The following ATP11A variants were observed in gnomAD, a reference collection of about 807,000 sequenced individuals.
ATP11A encodes ATPase phospholipid transporting 11A.
ATP11A carries 81 observed loss-of-function variants against 154.4 expected under a neutral mutation model. That is an observed-to-expected ratio of 0.52 (90% CI 0.44 to 0.63). The LOEUF (loss-of-function observed/expected upper bound fraction) is 0.63, where lower values mean the gene tolerates loss of function less well. ATP11A is among the 30% of genes least tolerant of loss of function. The pLI is 0.00. For missense variants in ATP11A, 1,316 were observed against 1,474.3 expected (o/e 0.89, Z 1.76); for synonymous variants, 623 against 585.9 (o/e 1.06, Z -0.91).
intron 12 of ATP11A, among the ~76,000 whole-genome samples, chr13:112,828,231 G>A (rs1370470925): frequency 6.7e-6 from 1 of 149,758 alleles, no homozygotes; most frequent in Non-Finnish European, 1.5e-5. Context: ...TGAGTGCAGG[G>A]GAAAGCACCT....
In ATP11A at chr13:112,886,443, C is replaced by T. The variant is rs1024082787; in HGVS notation, c.*4577C>T. ...TATTTGACAACTCAGTGTCTAACAG[C>T]TTGATATGCAGGTCCTTGCATCCTA... On this transcript the variant is annotated 3_prime_UTR_variant, in exon 30 of 30. Coordinates refer to ENST00000375645, the MANE Select transcript of ATP11A (RefSeq NM_015205.3). 6.6e-6 allele frequency: 1 copy of T among 152,196 alleles called. No homozygotes were observed. Among genetic ancestry groups the T allele is most frequent in the African/African-American group, 2.4e-5 (1 of 41,414 alleles). The allele number at this position is 152,196 out of a possible 1,614,324, so 9.4% of individuals were successfully genotyped here.
At chr13:112,863,600 C>A (rs2080201260) in intron 25 of ATP11A, among the ~76,000 whole-genome samples, 1 of 150,760 alleles carries the variant, frequency 6.6e-6, no homozygotes, top group Non-Finnish European at 1.5e-5. Flanking sequence ...CATGCAGCTT[C>A]TCAGCGGGGT....
chr13:112,855,649 A>T (rs1050188797), intron 19 of ATP11A, among the ~76,000 whole-genome samples: 1 of 152,230 alleles, frequency 6.6e-6, no homozygotes, highest in Non-Finnish European at 1.5e-5. Context: ...CTGTTGTTTC[A>T]AAAGTACAGG....
At chr13:112,728,528 G>A (rs574379181) in intron 1 of ATP11A, among the ~76,000 whole-genome samples, 4 of 150,490 alleles carry the variant, frequency 2.7e-5, no homozygotes, top group African/African-American at 7.4e-5. Flanking sequence ...GCGTGGAGGG[G>A]GCCGTGAGAC....
In ATP11A at chr13:112,835,933, G is replaced by A. The variant is rs111278614; in HGVS notation, c.1632-245G>A. Among the ~76,000 whole-genome samples the A allele has an allele frequency of 8.9e-3, 1,352 of 152,338 alleles. 23 individuals carry two copies. The highest frequency in any genetic ancestry group is 0.03 in the African/African-American group (1,249 of 41,560). On this transcript the variant is annotated intron_variant, in intron 15 of 29. Transcript: ENST00000375645. ...CCTATGCCCTGGGTAGGATGGGGAC[G>A]TAGTGAGGAGCCGGTGCCACAGGGC...
In ATP11A at chr13:112,746,948, CG is replaced by C. The variant is rs1170429483; in HGVS notation, c.40-38184del. 6.6e-6 allele frequency: 1 copy of C among 151,010 alleles called. No homozygotes were observed. The highest frequency in any genetic ancestry group is 3.2e-3 in the Middle Eastern group (1 of 312). 9.4% of individuals were successfully genotyped at this position (151,010 alleles called of 1,614,324 possible). ...TGAGGTTCTTTGCCTATTTTAAAAT[CG>C]GGTAATTGATTTTTTTCTGTCATTG... is the stretch of plus-strand genomic sequence containing the variant. On this transcript the variant is annotated intron_variant, in intron 1 of 29. Transcript: ENST00000375645. The surrounding 1 kb of genome is among the most constrained non-coding windows in gnomAD (Gnocchi z 4.1).
intron 2 of ATP11A, among the ~76,000 whole-genome samples, chr13:112,796,080 A>G (rs1052424037): frequency 8.5e-5 from 13 of 152,260 alleles, no homozygotes; most frequent in African/African-American, 3.1e-4. Flanking sequence ...GAAAGTGCCT[A>G]TACTTTTATT....
At position 112,697,219 on chromosome 13, in the gene ATP11A, A is replaced by G. The variant is rs1013727319; in HGVS notation, c.39+6764A>G. On this transcript the variant is annotated intron_variant, in intron 1 of 29. Transcript: ENST00000375645. This position sits in a 1 kb window ranked among gnomAD's most constrained non-coding sequence, Gnocchi z 4.0. ...TCCGGTGCTGGCCTCTGCCTTCCCC[A>G]GGGCCACGGTGGGCTCCTAGTGGCC... 6.6e-6 allele frequency among the ~76,000 whole-genome samples: 1 copy of G among 152,110 alleles called. No homozygotes were observed. The highest frequency in any genetic ancestry group is 2.1e-4 in the South Asian group (1 of 4,832).
At chr13:112,867,202 C>T (rs945819937) in intron 25 of ATP11A, among the ~76,000 whole-genome samples, 5 of 152,184 alleles carry the variant, frequency 3.3e-5, no homozygotes, top group African/African-American at 1.2e-4. Flanking sequence ...TCACTACAAC[C>T]ACCCTATCAG....
intron 2 of ATP11A, among the ~76,000 whole-genome samples, chr13:112,793,535 C>G (rs542786406): frequency 5.9e-4 from 90 of 152,284 alleles, no homozygotes; most frequent in African/African-American, 2.0e-3. Context: ...CCTCTGGGTG[C>G]TCACGAATTT....
intron 1 of ATP11A, among the ~76,000 whole-genome samples, chr13:112,742,781 A>AG (rs1389115491): frequency 2.0e-5 from 3 of 152,208 alleles, no homozygotes; most frequent in Non-Finnish European, 4.4e-5. Context: ...CTCAGACTGA[A>AG]GGTCAGAAAG....
At chr13:112,766,672 G>T (rs1174307274) in intron 1 of ATP11A, among the ~76,000 whole-genome samples, 3 of 152,086 alleles carry the variant, frequency 2.0e-5, no homozygotes, top group Non-Finnish European at 4.4e-5. Flanking sequence ...CCCCCAGGAT[G>T]GGGGCAGAAG....
At chr13:112,738,768 C>T (rs1891248109) in intron 1 of ATP11A, among the ~76,000 whole-genome samples, 1 of 148,988 alleles carries the variant, frequency 6.7e-6, no homozygotes. Flanking sequence ...TTGTTTTGCT[C>T]ACTGTGGGAT....
At chr13:112,805,886 A>G (rs9577392) in intron 3 of ATP11A, among the ~76,000 whole-genome samples, 46,177 of 151,898 alleles carry the variant, frequency 0.3, 7,142 homozygotes, top group Middle Eastern at 0.35. Context: ...TTTTTCCAAC[A>G]TTAAATTATT....
At chr13:112,867,591 G>A (rs2080378245) in intron 25 of ATP11A, among the ~76,000 whole-genome samples, 1 of 152,248 alleles carries the variant, frequency 6.6e-6, no homozygotes, top group Non-Finnish European at 1.5e-5. Context: ...CGTGTCCGCA[G>A]TCAGCTGCAC....
chr13:112,705,939 C>A (rs1380095118), intron 1 of ATP11A, among the ~76,000 whole-genome samples: 2 of 152,148 alleles, frequency 1.3e-5, no homozygotes, highest in African/African-American at 2.4e-5. Flanking sequence ...CGTACAGTTC[C>A]ATGGCGTTAA....
chr13:112,758,739 A>G (rs1482715164), intron 1 of ATP11A, among the ~76,000 whole-genome samples: 2 of 152,198 alleles, frequency 1.3e-5, no homozygotes, highest in African/African-American at 4.8e-5. Context: ...TCTTAAATCT[A>G]TCTTGCTAGC....
chr13:112,862,415 C>G, intron 24 of ATP11A, 25 bp from the exon 25 acceptor site: 2 of 1,612,326 alleles, frequency 1.2e-6, no homozygotes, highest in Non-Finnish European at 1.7e-6. Context: ...CGAGGACACA[C>G]GCTGTGCACC....
intron 16 of ATP11A, among the ~76,000 whole-genome samples, chr13:112,837,883 G>A: frequency 6.6e-6 from 1 of 152,008 alleles, no homozygotes; most frequent in African/African-American, 2.4e-5. Context: ...AGTCATAGCG[G>A]CTCTGGGGTG....
Sources: gnomAD v4.1 joint callset for allele counts (sites outside exome capture counted in the v4.1 genomes callset) on GRCh38, gnomAD v4.1.1 for gene constraint, Gnocchi (gnomAD v3.1) non-coding constraint, MANE v1.5 for transcripts, NCBI Gene and HGNC (gene_info 2026-07-23, HGNC 2026-07-21) for gene names.